TRIM22: variants seen among roughly 807,000 people sequenced by gnomAD.
TRIM22 encodes E3 ubiquitin-protein ligase TRIM22.
A neutral mutation model predicts 53.6 loss-of-function variants in TRIM22; 45 were observed. The ratio of observed to expected loss-of-function variants is 0.84; its 90% CI spans 0.66 to 1.08. The LOEUF is 1.08. TRIM22 is among the 50% of genes least tolerant of loss of function. TRIM22 has a pLI of 0.00. For missense variants in TRIM22, 616 were observed against 590.9 expected, an observed-to-expected ratio of 1.04 and a Z score of -0.44; for synonymous variants, 225 against 216.6, an observed-to-expected ratio of 1.04 and a Z score of -0.34.
chr11:5,708,656 T>C (rs369913431), intron 7 of TRIM22, 53 bp downstream of exon 7: 1 of 1,508,266 alleles, frequency 6.6e-7, no homozygotes, highest in Non-Finnish European at 9.1e-7. Flanking sequence ...GTGGTTACTA[T>C]TAGATCTCAT....
intron 4 of TRIM22, among the ~76,000 whole-genome samples, chr11:5,701,938 C>T (rs2178): frequency 0.73 from 111,434 of 151,706 alleles, 41,314 homozygotes; most frequent in African/African-American, 0.79. Context: ...ACCGTACTTG[C>T]TCTTTGCTTT....
intron 1 of TRIM22, among the ~76,000 whole-genome samples, chr11:5,692,347 G>T (rs1038357908): frequency 2.6e-5 from 4 of 152,204 alleles, no homozygotes; most frequent in Admixed American, 2.6e-4. Flanking sequence ...ATGGATTTAA[G>T]AACTGATGAA....
chr11:5,699,599 T>C (rs1853334091), intron 4 of TRIM22, among the ~76,000 whole-genome samples: 1 of 149,492 alleles, frequency 6.7e-6, no homozygotes, highest in African/African-American at 2.4e-5. Flanking sequence ...TGTATAAGTT[T>C]TAAGTTGTCG....
Position 5,708,261 on chromosome 11 carries a change from C to A in TRIM22, c.862C>A (p.Gln288Lys). Residue 288 changes from glutamine to lysine, a missense_variant, in exon 6 of 8, where the codon CAA becomes AAA. Transcript: ENST00000379965. ...AGTACCAGATCTGAGTGGGATGCTGCAAGTTCTTAAAGGTAAGGGGATTCA... is the reference window on the plus strand; with the variant it reads ...AGTACCAGATCTGAGTGGGATGCTGAAAGTTCTTAAAGGTAAGGGGATTCA... ...FRVPDLSGMLQVLKELTDVQY... is the reference protein window; with the variant it reads ...FRVPDLSGMLKVLKELTDVQY... 2 of 1,613,704 alleles carry A rather than the reference C, an allele frequency of 1.2e-6. No individual in the cohort carries two copies. The highest frequency in any genetic ancestry group is 1.7e-6 in the Non-Finnish European group (2 of 1,179,618).
chr11:5,697,134 A>T, intron 2 of TRIM22, 114 bp from the exon 3 acceptor site: 2 of 725,012 alleles, frequency 2.8e-6, no homozygotes, highest in Non-Finnish European at 2.3e-6. Flanking sequence ...CACCAGCCTC[A>T]CTGTTTCTGT....
Position 5,698,304 on chromosome 11 carries a change from T to G in TRIM22, c.520-11T>G, listed in dbSNP as rs529099538. On this transcript the variant is annotated splice_polypyrimidine_tract_variant and intron_variant, in intron 3 of 7. Transcript: ENST00000379965. ...CCAGACTGACTGCCTCTTTCTCTTT[T>G]CATTCCCAAGAATTATATCCAGATC... 6.2e-6 allele frequency: 10 copies of G among 1,612,134 alleles called. No homozygotes were observed. The highest frequency in any genetic ancestry group is 1.7e-4 in the Middle Eastern group (1 of 6,050).
In TRIM22 at chr11:5,698,415, A is replaced by C; in HGVS notation, c.620A>C (p.Glu207Ala). Reference sequence around the variant, plus strand: ...CAGAGAGAGCTGCAAAAGCTGGAGGAAGGTGAGGTGAATGTGCTGGATAAC... The same window carrying C: ...CAGAGAGAGCTGCAAAAGCTGGAGGCAGGTGAGGTGAATGTGCTGGATAAC... ...EEQRELQKLE[E>A]GEVNVLDNLA... The change falls in exon 4 of 8, where the codon GAA becomes GCA. Residue 207 changes from glutamate to alanine, a missense_variant. By Grantham distance (107) the Glu-to-Ala change is moderately radical. Transcript: ENST00000379965. 1 of 1,614,204 alleles carries C rather than the reference A, an allele frequency of 6.2e-7. No individual in the cohort carries two copies. Among genetic ancestry groups the C allele is most frequent in the Non-Finnish European group, 8.5e-7 (1 of 1,180,030 alleles).
At chr11:5,697,716 T>TTTGC (rs1853291178) in intron 3 of TRIM22, 1 of 192,854 alleles carries the variant, frequency 5.2e-6, no homozygotes, top group African/African-American at 2.3e-5. Flanking sequence ...TGTTTGTTTG[T>TTTGC]TTTTTGAGAC....
At chr11:5,703,628 G>A (rs753216956) in intron 4 of TRIM22, among the ~76,000 whole-genome samples, 17 of 151,770 alleles carry the variant, frequency 1.1e-4, no homozygotes, top group Admixed American at 3.3e-4. Context: ...CTCGTGATCC[G>A]CCCACCTCAG....
At position 5,709,361 on chromosome 11, in the gene TRIM22, C is replaced by A. The variant is rs766426772; in HGVS notation, c.1210C>A (p.Gln404Lys). Residue 404 changes from glutamine (Q) to lysine (K), a missense_variant, in exon 8 of 8, where the codon CAA (glutamine) becomes AAA (lysine). Gln to Lys is a moderately conservative substitution (Grantham distance 53). Transcript: ENST00000379965. ...AAAAGTTTACTCCAGATATAGACCT[C>A]AATATGGCTACTGGGTTATAGGATT... ...YSKVYSRYRP[Q>K]YGYWVIGLQN... 2.5e-6 allele frequency: 4 copies of A among 1,614,074 alleles called. No homozygotes were observed. In the South Asian group the frequency reaches 4.4e-5, roughly 18 times the overall value.
chr11:5,702,599 C>G (rs1315441467), intron 4 of TRIM22, among the ~76,000 whole-genome samples: 1 of 151,820 alleles, frequency 6.6e-6, no homozygotes, highest in Non-Finnish European at 1.5e-5. Flanking sequence ...TACCTTAGAG[C>G]AGAGTATCCT....
At position 5,709,357 on chromosome 11, in the gene TRIM22, A is replaced by G. The variant is rs1422435642; in HGVS notation, c.1206A>G (p.Arg402=). 2 of 1,614,120 alleles carry G rather than the reference A, an allele frequency of 1.2e-6. No individual in the cohort carries two copies. The highest frequency in any genetic ancestry group is 3.3e-5 in the Admixed American group (2 of 60,018). ...VNYSKVYSRY[R]PQYGYWVIGL... ...ATTCAAAAGTTTACTCCAGATATAG[A>G]CCTCAATATGGCTACTGGGTTATAG... Residue 402 remains arginine (R), a synonymous_variant, in exon 8 of 8, where the codon AGA becomes AGG. Transcript: ENST00000379965.
chr11:5,698,382 A>G lies in TRIM22; in HGVS notation c.587A>G (p.Asn196Ser), dbSNP rs368924880. ...AATGAAATGAGAGTCATCTTGGACA[A>G]TGAGGAGCAGAGAGAGCTGCAAAAG... ...GFNEMRVILD[N>S]EEQRELQKLE... The change falls in exon 4 of 8, where the codon AAT becomes AGT. Residue 196 changes from asparagine to serine, a missense_variant. Transcript: ENST00000379965. The G allele has an allele frequency of 5.1e-5, 83 of 1,614,072 alleles. 2 individuals carry two copies. In the Admixed American group the frequency reaches 1.4e-3, roughly 27 times the overall value.
chr11:5,696,996 T>C, intron 2 of TRIM22: 1 of 511,816 alleles, frequency 2.0e-6, no homozygotes, highest in Admixed American at 3.7e-5. Context: ...CTTTCCTTAC[T>C]GCAGGGTCTG....
At chr11:5,692,010 G>C (rs1033577073) in intron 1 of TRIM22, among the ~76,000 whole-genome samples, 3 of 151,906 alleles carry the variant, frequency 2.0e-5, no homozygotes, top group African/African-American at 7.3e-5. Context: ...TACAGGTATA[G>C]TAAAAAAACA....
Position 5,697,307 on chromosome 11 carries a change from G to A in TRIM22, c.483G>A (p.Leu161=), listed in dbSNP as rs1853281973. Residue 161 remains leucine (L), a synonymous_variant, in exon 3 of 8, where the codon CTG becomes CTA. Transcript: ENST00000379965. ...LIKEDQEAEK[L]EDDIRQERTA... is the part of the protein sequence containing the mutation. Reference sequence around the variant, plus strand: ...AGGAGGATCAAGAGGCTGAGAAGCTGGAAGATGACATCAGACAAGAGAGAA... The same window carrying A: ...AGGAGGATCAAGAGGCTGAGAAGCTAGAAGATGACATCAGACAAGAGAGAA... 4.3e-6 allele frequency: 7 copies of A among 1,613,786 alleles called. No homozygotes were observed. Among genetic ancestry groups the A allele is most frequent in the Middle Eastern group, 1.7e-4 (1 of 6,052 alleles).
chr11:5,690,268 T>G (rs908038782), intron 1 of TRIM22, among the ~76,000 whole-genome samples: 1 of 152,186 alleles, frequency 6.6e-6, no homozygotes, highest in African/African-American at 2.4e-5. Flanking sequence ...GAGGGGTGCT[T>G]CTTCTTTGCC....
In TRIM22 at chr11:5,698,330, G is replaced by C. The variant is rs780672284; in HGVS notation, c.535G>C (p.Glu179Gln). Reference sequence around the variant, plus strand: ...CATTCCCAAGAATTATATCCAGATCGAGAGACAGAAGATTCTGAAAGGGTT... The same window carrying C: ...CATTCCCAAGAATTATATCCAGATCCAGAGACAGAAGATTCTGAAAGGGTT... Reference protein sequence around the residue: ...RTAWKNYIQIERQKILKGFNE... With the variant: ...RTAWKNYIQIQRQKILKGFNE... The change falls in exon 4 of 8, where the codon GAG (glutamate) becomes CAG (glutamine). Residue 179 changes from glutamate (E) to glutamine (Q), a missense_variant. Glu to Gln is a conservative substitution (Grantham distance 29, BLOSUM62 2). Transcript: ENST00000379965. 1 of 1,613,994 alleles carries C rather than the reference G, an allele frequency of 6.2e-7. No homozygotes were observed. The highest frequency in any genetic ancestry group is 8.5e-7 in the Non-Finnish European group (1 of 1,179,936).
At chr11:5,697,108 T>G (rs1853276860) in intron 2 of TRIM22, 140 bp from the exon 3 acceptor site, 1 of 611,170 alleles carries the variant, frequency 1.6e-6, no homozygotes, top group Non-Finnish European at 2.8e-6. Context: ...TTTTCCCCCA[T>G]GCCATAGGTT....
Sources: gnomAD v4.1 joint callset for allele counts (sites outside exome capture counted in the v4.1 genomes callset) on GRCh38, gnomAD v4.1.1 for gene constraint, MANE v1.5 for transcripts, NCBI Gene and HGNC (gene_info 2026-07-23, HGNC 2026-07-21) for gene names.